The following MED26 variants were observed in gnomAD, a reference collection of about 807,000 sequenced individuals.
MED26 encodes mediator of RNA polymerase II transcription subunit 26.
MED26 carries 7 observed loss-of-function variants against 43.7 expected under a neutral mutation model. The observed-to-expected ratio is 0.16, with a 90% confidence interval of 0.09 to 0.30. The LOEUF is 0.30. MED26 is among the 10% of genes least tolerant of loss of function. MED26 has a pLI of 1.00. For synonymous variants in MED26, 375 were observed against 371.1 expected, an observed-to-expected ratio of 1.01 and a Z score of -0.12; for missense variants, 784 against 840.6, an observed-to-expected ratio of 0.93 and a Z score of 0.83.
chr19:16,591,779 A>G (rs1429587114), intron 1 of MED26, among the ~76,000 whole-genome samples: 5 of 152,230 alleles, frequency 3.3e-5, no homozygotes, highest in Non-Finnish European at 7.3e-5. Flanking sequence ...GAAAGTAGCC[A>G]CGGTGCGTCT....
chr19:16,585,173 G>GC (rs1472036201), intron 1 of MED26, among the ~76,000 whole-genome samples: 2 of 152,198 alleles, frequency 1.3e-5, no homozygotes, highest in African/African-American at 4.8e-5. Context: ...TGCAGAAACA[G>GC]CAGGCACCCC....
rs1239638636 is a variant in MED26 at position 16,627,995 on chromosome 19, G to A, written c.-52C>T. ...CCGGGCCAGCGGGCGGGCGGGCTGAGGCGGGGGACGGGGGTCACTCACTCG... is the reference window on the plus strand; with the variant it reads ...CCGGGCCAGCGGGCGGGCGGGCTGAAGCGGGGGACGGGGGTCACTCACTCG... On this transcript the variant is annotated 5_prime_UTR_variant, in exon 1 of 3. Coordinates refer to ENST00000263390, the MANE Select transcript of MED26 (RefSeq NM_004831.5). The A allele has an allele frequency of 2.5e-6, 3 of 1,218,468 alleles. No individual in the cohort carries two copies. Among genetic ancestry groups the A allele is most frequent in the Non-Finnish European group, 2.2e-6 (2 of 909,928 alleles). The allele number at this position is 1,218,468 out of a possible 1,614,324, so 75.5% of individuals were successfully genotyped here.
chr19:16,607,081 C>T (rs1599343389), intron 1 of MED26, among the ~76,000 whole-genome samples: 1 of 152,250 alleles, frequency 6.6e-6, no homozygotes, highest in East Asian at 1.9e-4. Flanking sequence ...ATGGCATACA[C>T]CTGTAATCCC....
chr19:16,585,924 G>A (rs1011075717), intron 1 of MED26, among the ~76,000 whole-genome samples: 1 of 152,206 alleles, frequency 6.6e-6, no homozygotes, highest in Non-Finnish European at 1.5e-5. Context: ...TATTACAGGG[G>A]TGTGTAAGTA....
chr19:16,622,043 C>T (rs1406035050), intron 1 of MED26, among the ~76,000 whole-genome samples: 1 of 152,206 alleles, frequency 6.6e-6, no homozygotes, highest in Non-Finnish European at 1.5e-5. Flanking sequence ...CTGTTCCTTC[C>T]AGCTCTGTTC....
At chr19:16,593,916 T>TGAGA (rs1393239167) in intron 1 of MED26, among the ~76,000 whole-genome samples, 2 of 152,308 alleles carry the variant, frequency 1.3e-5, no homozygotes, top group Non-Finnish European at 2.9e-5. Context: ...CAACGTGTTT[T>TGAGA]GAGAGAGCCT....
chr19:16,595,291 A>G (rs1057314388), intron 1 of MED26, among the ~76,000 whole-genome samples: 1 of 152,060 alleles, frequency 6.6e-6, no homozygotes, highest in African/African-American at 2.4e-5. Flanking sequence ...CTCTGACCAC[A>G]TTGGGCCTAA....
chr19:16,625,628 A>G (rs1404566648), intron 1 of MED26, among the ~76,000 whole-genome samples: 1 of 151,716 alleles, frequency 6.6e-6, no homozygotes. Flanking sequence ...CAGAGAGGAG[A>G]GAGCGGCACG....
Position 16,576,135 on chromosome 19 carries a change from C to A in MED26, c.1695G>T (p.Gly565=). ...ACCAGTTACCCTGTGTGTCCTGACA[C>A]CCGTTCACCCCCGGCCACTGGCTGG... ...IQASQWPGVN[G]CQDTQGNWYD... is the part of the protein sequence containing the mutation. The change falls in exon 3 of 3, where the codon GGG becomes GGT. Residue 565 remains glycine, a synonymous_variant. Coordinates refer to ENST00000263390, the MANE Select transcript of MED26 (RefSeq NM_004831.5). The surrounding 1 kb of genome is among the most constrained non-coding windows in gnomAD (Gnocchi z 6.8). The A allele has an allele frequency of 1.9e-6, 3 of 1,613,998 alleles. No individual in the cohort carries two copies. The highest frequency in any genetic ancestry group is 2.5e-6 in the Non-Finnish European group (3 of 1,180,022).
At position 16,575,827 on chromosome 19, in the gene MED26, T is replaced by A. The variant is rs2085991694; in HGVS notation, c.*200A>T. 1 of 585,952 alleles carries A rather than the reference T, an allele frequency of 1.7e-6. No homozygotes were observed. The highest frequency in any genetic ancestry group is 4.5e-4 in the Middle Eastern group (1 of 2,210). 36.3% of individuals were successfully genotyped at this position (585,952 alleles called of 1,614,324 possible). On this transcript the variant is annotated 3_prime_UTR_variant, in exon 3 of 3. Transcript: ENST00000263390. ...CTTCTTCGCAATTTTGTTAGTAAAC[T>A]GGTAGCAGCATTTCACAAAAAGAGT...
At chr19:16,595,995 G>A (rs575851051) in intron 1 of MED26, among the ~76,000 whole-genome samples, 1 of 152,238 alleles carries the variant, frequency 6.6e-6, no homozygotes, top group African/African-American at 2.4e-5. Flanking sequence ...ATGGCAACTG[G>A]TACTGCCTCA....
At chr19:16,597,640 G>A (rs1270139682) in intron 1 of MED26, among the ~76,000 whole-genome samples, 1 of 152,166 alleles carries the variant, frequency 6.6e-6, no homozygotes, top group African/African-American at 2.4e-5. Flanking sequence ...AGGTGCGTCC[G>A]GCTCTGTGGG....
rs958659815 is a variant in MED26 at position 16,577,826 on chromosome 19, T to G, written c.148-144A>C. ...ACTGCCAGCTTCCCTGACACAAAAC[T>G]TCTGGGGATTTCCGGTCCTTTGTGA... On this transcript the variant is annotated intron_variant, in intron 2 of 2. Coordinates refer to ENST00000263390, the MANE Select transcript of MED26 (RefSeq NM_004831.5). This position sits in a 1 kb window ranked among gnomAD's most constrained non-coding sequence, Gnocchi z 8.1. The G allele has an allele frequency of 1.7e-6, 1 of 591,986 alleles. No homozygotes were observed. Among genetic ancestry groups the G allele is most frequent in the African/African-American group, 1.9e-5 (1 of 52,430 alleles). 36.7% of individuals were successfully genotyped at this position (591,986 alleles called of 1,614,324 possible). A position where few individuals can be genotyped will look rare whatever the true frequency, so the allele number is the denominator to read the frequency against.
At chr19:16,625,534 C>CTAAA (rs2086270469) in intron 1 of MED26, among the ~76,000 whole-genome samples, 1 of 150,938 alleles carries the variant, frequency 6.6e-6, no homozygotes, top group Non-Finnish European at 1.5e-5. Flanking sequence ...CTCTTCAACA[C>CTAAA]TGTCCCCGTT....
chr19:16,580,273 T>C (rs908798995), intron 1 of MED26, among the ~76,000 whole-genome samples: 3 of 152,194 alleles, frequency 2.0e-5, no homozygotes, highest in African/African-American at 7.2e-5. Flanking sequence ...TCTTAGGCTC[T>C]AGGGCTCAGA....
chr19:16,621,759 C>A (rs1280626894), intron 1 of MED26, among the ~76,000 whole-genome samples: 3 of 152,102 alleles, frequency 2.0e-5, no homozygotes, highest in Non-Finnish European at 4.4e-5. Context: ...TGTGTTAAGT[C>A]AGCTCTGACA....
chr19:16,606,910 G>A (rs1402109277), intron 1 of MED26, among the ~76,000 whole-genome samples: 1 of 152,222 alleles, frequency 6.6e-6, no homozygotes, highest in Non-Finnish European at 1.5e-5. Context: ...CCTTTTCACA[G>A]AAGGCTCTCC....
intron 1 of MED26, chr19:16,578,619 G>A (rs1204302593): frequency 3.5e-6 from 2 of 574,430 alleles, no homozygotes; most frequent in South Asian, 2.1e-5. Flanking sequence ...ACCTCCTCCA[G>A]TGTGTGGTGT....
At chr19:16,615,729 G>C (rs1428526578) in intron 1 of MED26, among the ~76,000 whole-genome samples, 1 of 150,962 alleles carries the variant, frequency 6.6e-6, no homozygotes, top group Non-Finnish European at 1.5e-5. Flanking sequence ...CTGGGAGGCA[G>C]AGCAAGACTC....
Sources: allele counts gnomAD v4.1 joint callset (sites outside exome capture counted in the v4.1 genomes callset), GRCh38; gene constraint gnomAD v4.1.1; non-coding constraint Gnocchi (gnomAD v3.1); transcripts MANE v1.5; gene names NCBI Gene and HGNC (gene_info 2026-07-23, HGNC 2026-07-21).